The following PAPPA variants were observed in gnomAD, a reference collection of about 807,000 sequenced individuals.
PAPPA encodes the protein pappalysin-1.
In PAPPA, 60 loss-of-function variants were observed where a neutral mutation model predicts 164.0. The observed-to-expected ratio is 0.37, with a 90% CI of 0.30 to 0.45. PAPPA has a LOEUF of 0.45. Ranked by LOEUF, PAPPA falls within the 20% of genes least tolerant of loss-of-function variation. PAPPA has a pLI of 1.00. For missense variants in PAPPA, 1,782 were observed against 2,087.3 expected, an observed-to-expected ratio of 0.85 and a Z score of 2.85; for synonymous variants, 875 against 814.1, an observed-to-expected ratio of 1.07 and a Z score of -1.27.
intron 2 of PAPPA, among the ~76,000 whole-genome samples, chr9:116,188,784 C>T (rs1844009004): frequency 1.3e-5 from 2 of 152,086 alleles, no homozygotes; most frequent in African/African-American, 4.8e-5. Flanking sequence ...AAACCTGGCC[C>T]CATGGTCTCA....
intron 7 of PAPPA, among the ~76,000 whole-genome samples, chr9:116,238,754 T>C (rs1454108550): frequency 1.3e-5 from 2 of 152,130 alleles, no homozygotes; most frequent in African/African-American, 4.8e-5. Context: ...AGGAGTTTAT[T>C]GGAGATCTGG....
chr9:116,360,261 T>C (rs1187338115), intron 17 of PAPPA, among the ~76,000 whole-genome samples: 1 of 149,534 alleles, frequency 6.7e-6, no homozygotes, highest in African/African-American at 2.4e-5. Context: ...CCTGGGGCTC[T>C]GAGAAGGAGA....
intron 21 of PAPPA, among the ~76,000 whole-genome samples, chr9:116,385,714 A>G (rs555524798): frequency 6.6e-6 from 1 of 152,338 alleles, no homozygotes; most frequent in South Asian, 2.1e-4. Flanking sequence ...TCCACTTTAA[A>G]TTCTTGTTTC....
At chr9:116,253,047 C>A (rs1844878360) in intron 7 of PAPPA, among the ~76,000 whole-genome samples, 2 of 152,188 alleles carry the variant, frequency 1.3e-5, no homozygotes, top group Admixed American at 1.3e-4. Context: ...CCTTGAAGCA[C>A]TTAACATACA....
intron 7 of PAPPA, among the ~76,000 whole-genome samples, chr9:116,243,666 A>G (rs898176822): frequency 6.6e-6 from 1 of 152,214 alleles, no homozygotes; most frequent in African/African-American, 2.4e-5. Flanking sequence ...CTAAAATTAG[A>G]TCTTCTTATT....
intron 15 of PAPPA, among the ~76,000 whole-genome samples, chr9:116,348,482 C>A (rs1203522825): frequency 6.6e-6 from 1 of 151,900 alleles, no homozygotes; most frequent in African/African-American, 2.4e-5. Flanking sequence ...GCAAAAAGGA[C>A]AACAGTTTTT....
chr9:116,235,857 A>C (rs889501611), intron 7 of PAPPA, among the ~76,000 whole-genome samples: 1 of 152,170 alleles, frequency 6.6e-6, no homozygotes, highest in African/African-American at 2.4e-5. Flanking sequence ...TTTAGTGACA[A>C]ATCTGATGTG....
intron 18 of PAPPA, among the ~76,000 whole-genome samples, chr9:116,367,421 A>G (rs1846515283): frequency 6.6e-6 from 1 of 152,194 alleles, no homozygotes; most frequent in South Asian, 2.1e-4. Flanking sequence ...GGTCAGAGCC[A>G]ATGAGTGTGG....
At chr9:116,308,100 G>A (rs1029438080) in intron 10 of PAPPA, among the ~76,000 whole-genome samples, 5 of 152,214 alleles carry the variant, frequency 3.3e-5, no homozygotes, top group Non-Finnish European at 5.9e-5. Context: ...ACACAGTTGC[G>A]TCAGCAAACG....
chr9:116,306,026 T>C (rs1845640976), intron 10 of PAPPA, among the ~76,000 whole-genome samples: 1 of 152,214 alleles, frequency 6.6e-6, no homozygotes, highest in Non-Finnish European at 1.5e-5. Flanking sequence ...GGACACTCCA[T>C]TAACTTAGGG....
At chr9:116,267,744 G>A (rs548075174) in intron 8 of PAPPA, among the ~76,000 whole-genome samples, 80 of 151,728 alleles carry the variant, frequency 5.3e-4, no homozygotes, top group African/African-American at 1.9e-3. Context: ...GCGCGGTGGC[G>A]GGCGCCTGTA....
intron 21 of PAPPA, among the ~76,000 whole-genome samples, chr9:116,393,572 T>TA (rs1846922119): frequency 6.6e-6 from 1 of 152,128 alleles, no homozygotes; most frequent in South Asian, 2.1e-4. Context: ...TGTGATATGG[T>TA]ATGAAGGTGA....
chr9:116,294,257 C>A (rs1845473931), intron 9 of PAPPA, among the ~76,000 whole-genome samples: 1 of 152,146 alleles, frequency 6.6e-6, no homozygotes, highest in Non-Finnish European at 1.5e-5. Flanking sequence ...GGAGGAATTT[C>A]TGGCCCATGT....
chr9:116,173,072 G>A (rs374239449), intron 1 of PAPPA, among the ~76,000 whole-genome samples: 11 of 152,120 alleles, frequency 7.2e-5, no homozygotes, highest in African/African-American at 2.7e-4. Context: ...AGAGACAAAA[G>A]GTAGATGACA....
At chr9:116,197,637 A>G (rs1844123907) in intron 2 of PAPPA, among the ~76,000 whole-genome samples, 1 of 152,234 alleles carries the variant, frequency 6.6e-6, no homozygotes, top group Admixed American at 6.5e-5. Context: ...CTCCTTGATC[A>G]TCACATGACT....
intron 7 of PAPPA, among the ~76,000 whole-genome samples, chr9:116,235,905 AT>A (rs1334593560): frequency 1.3e-5 from 2 of 152,226 alleles, no homozygotes; most frequent in Non-Finnish European, 2.9e-5. Flanking sequence ...AATCTTAGTC[AT>A]TCCAATAGTA....
In PAPPA at chr9:116,154,301, C is replaced by T. The variant is rs1042694801; in HGVS notation, c.129C>T (p.Gly43=). 44 of 937,476 alleles carry T rather than the reference C, an allele frequency of 4.7e-5. No individual in the cohort carries two copies. In the Admixed American group the frequency reaches 5.1e-4, roughly 11 times the overall value. The allele number at this position is 937,476 out of a possible 1,614,324, so 58.1% of individuals were successfully genotyped here. A position where few individuals can be genotyped will look rare whatever the true frequency, so the allele number is the denominator to read the frequency against. The stretch of plus-strand genomic sequence containing the variant: ...GCCGACCCCCGCGCCCCGCCGCCGG[C>T]CCGGCCACCTGCGCCACCCGGGCGG... ...RAGRPPRPAA[G]PATCATRAAR... is the part of the protein sequence containing the mutation. Residue 43 remains glycine, a synonymous_variant, in exon 1 of 22, where the codon GGC becomes GGT. Coordinates refer to ENST00000328252, the MANE Select transcript of PAPPA (RefSeq NM_002581.5). This position sits in a 1 kb window ranked among gnomAD's most constrained non-coding sequence, Gnocchi z 5.2.
At chr9:116,287,200 C>T (rs1446215580) in intron 9 of PAPPA, 1 of 152,198 alleles carries the variant, frequency 6.6e-6, no homozygotes, top group Admixed American at 6.5e-5. Context: ...GCCTTATGTA[C>T]TTGAAACATT....
intron 8 of PAPPA, among the ~76,000 whole-genome samples, chr9:116,269,886 ACTT>A (rs770231883): frequency 1.2e-4 from 19 of 152,236 alleles, no homozygotes; most frequent in Non-Finnish European, 2.2e-4. Context: ...AAAAATACAA[ACTT>A]CTTCTTTGCT....
Sources: allele counts gnomAD v4.1 joint callset (sites outside exome capture counted in the v4.1 genomes callset), GRCh38; gene constraint gnomAD v4.1.1; non-coding constraint Gnocchi (gnomAD v3.1); transcripts MANE v1.5; gene names NCBI Gene and HGNC (gene_info 2026-07-23, HGNC 2026-07-21).